NTRK3: variants seen among roughly 807,000 people sequenced by gnomAD.
The protein encoded by NTRK3 is NT-3 growth factor receptor.
A neutral mutation model predicts 91.7 loss-of-function variants in NTRK3; 24 were observed. The observed-to-expected ratio is 0.26, with a 90% CI of 0.19 to 0.37. The LOEUF (loss-of-function observed/expected upper bound fraction) is 0.37. NTRK3 is among the 10% of genes least tolerant of loss of function. NTRK3 has a pLI of 1.00. For synonymous variants in NTRK3, 483 were observed against 404.0 expected (o/e 1.20, Z -2.34); for missense variants, 880 against 1,068.9 (o/e 0.82, Z 2.46).
intron 3 of NTRK3, among the ~76,000 whole-genome samples, chr15:88,216,373 TCTC>T: frequency 6.6e-6 from 1 of 152,242 alleles, no homozygotes; most frequent in South Asian, 2.1e-4. Context: ...CCTAGGTACT[TCTC>T]CTGGCTCAGA....
chr15:88,068,852 G>A (rs568798051), intron 13 of NTRK3, among the ~76,000 whole-genome samples: 2 of 152,272 alleles, frequency 1.3e-5, no homozygotes, highest in Admixed American at 6.5e-5. Flanking sequence ...TCTCGATGGG[G>A]AAGCAAATGG....
At chr15:87,936,461 C>T (rs950299927) in intron 15 of NTRK3, among the ~76,000 whole-genome samples, 2 of 151,734 alleles carry the variant, frequency 1.3e-5, no homozygotes, top group African/African-American at 4.8e-5. Flanking sequence ...AAGAACACAA[C>T]TTCTCGACAG....
chr15:88,217,679 A>G (rs2049901304), intron 3 of NTRK3, among the ~76,000 whole-genome samples: 1 of 152,230 alleles, frequency 6.6e-6, no homozygotes. Context: ...CCAGTTACAC[A>G]GCAATGTGGA....
intron 13 of NTRK3, among the ~76,000 whole-genome samples, chr15:88,052,147 G>A (rs756233923): frequency 6.6e-6 from 1 of 152,204 alleles, no homozygotes; most frequent in Non-Finnish European, 1.5e-5. Flanking sequence ...AAGGGGAAAT[G>A]TATTATAGAA....
Position 88,245,742 on chromosome 15 carries a change from C to T in NTRK3, c.248+10164G>A, listed in dbSNP as rs191735202. ...TGCTCATTGAAATCTTATAATAGTC[C>T]TGCCTTATGTTTATTATTTTCATAT... On this transcript the variant is annotated intron_variant, in intron 3 of 18. Transcript: ENST00000394480. 6.6e-5 allele frequency among the ~76,000 whole-genome samples: 10 copies of T among 152,202 alleles called. 1 individual carries two copies. The East Asian group carries it at 1.9e-3, about 29-fold the overall frequency.
At chr15:88,102,298 A>G (rs999748093) in intron 13 of NTRK3, among the ~76,000 whole-genome samples, 1 of 152,244 alleles carries the variant, frequency 6.6e-6, no homozygotes, top group Non-Finnish European at 1.5e-5. Context: ...TGAATTAAGC[A>G]TATTTTTGGT....
intron 5 of NTRK3, among the ~76,000 whole-genome samples, chr15:88,180,240 C>T (rs756800019): frequency 8.5e-5 from 13 of 152,296 alleles, no homozygotes; most frequent in East Asian, 1.9e-4. Flanking sequence ...TCTCAGAAAT[C>T]CTTATCCTTA....
intron 13 of NTRK3, among the ~76,000 whole-genome samples, chr15:88,108,535 A>C (rs2150950494): frequency 6.6e-6 from 1 of 152,322 alleles, no homozygotes; most frequent in Non-Finnish European, 1.5e-5. Flanking sequence ...AACTGACAGA[A>C]TCATAGAATG....
chr15:88,118,347 G>A (rs2052333132), intron 13 of NTRK3, among the ~76,000 whole-genome samples: 1 of 152,168 alleles, frequency 6.6e-6, no homozygotes, highest in African/African-American at 2.4e-5. Context: ...AGGAGAATAT[G>A]CAGAGAGAGA....
intron 3 of NTRK3, among the ~76,000 whole-genome samples, chr15:88,191,630 G>A (rs549863527): frequency 1.8e-4 from 28 of 152,356 alleles, no homozygotes; most frequent in African/African-American, 6.3e-4. Context: ...GCACACACAC[G>A]CACAATGTGC....
intron 17 of NTRK3, among the ~76,000 whole-genome samples, chr15:87,923,625 C>G (rs1205261375): frequency 6.6e-6 from 1 of 152,172 alleles, no homozygotes; most frequent in Non-Finnish European, 1.5e-5. Flanking sequence ...TCTAGGTAAG[C>G]CTTGTCCATT....
chr15:87,920,971 A>G (rs2067822847), intron 17 of NTRK3, among the ~76,000 whole-genome samples: 1 of 152,204 alleles, frequency 6.6e-6, no homozygotes, highest in Non-Finnish European at 1.5e-5. Flanking sequence ...AGTTTAGTTA[A>G]TAATTTGTGT....
At chr15:88,059,557 C>A (rs547486538) in intron 13 of NTRK3, among the ~76,000 whole-genome samples, 2 of 152,306 alleles carry the variant, frequency 1.3e-5, no homozygotes, top group East Asian at 1.9e-4. Context: ...CAGCTCCAAA[C>A]TCTCTGGCAA....
chr15:88,051,262 C>A (rs1459746880), intron 13 of NTRK3, among the ~76,000 whole-genome samples: 1 of 152,186 alleles, frequency 6.6e-6, no homozygotes, highest in Admixed American at 6.5e-5. Flanking sequence ...ATCCCCACCA[C>A]TCCCTTGAAG....
At chr15:88,148,177 T>G (rs1170042305) in intron 5 of NTRK3, among the ~76,000 whole-genome samples, 1 of 152,216 alleles carries the variant, frequency 6.6e-6, no homozygotes, top group East Asian at 1.9e-4. Context: ...ACAAACACGA[T>G]GTGTGTATAC....
intron 5 of NTRK3, among the ~76,000 whole-genome samples, chr15:88,152,113 C>T (rs1355552780): frequency 6.6e-6 from 1 of 152,138 alleles, no homozygotes; most frequent in African/African-American, 2.4e-5. Flanking sequence ...CCAGCCTGGC[C>T]AACATGGTGA....
chr15:87,993,871 G>A (rs1217147160), intron 14 of NTRK3, among the ~76,000 whole-genome samples: 1 of 152,172 alleles, frequency 6.6e-6, no homozygotes, highest in East Asian at 1.9e-4. Flanking sequence ...CTGCAAAGAG[G>A]AGCTAAAAAC....
At chr15:88,102,441 A>C (rs1425070500) in intron 13 of NTRK3, among the ~76,000 whole-genome samples, 1 of 152,226 alleles carries the variant, frequency 6.6e-6, no homozygotes, top group Non-Finnish European at 1.5e-5. Context: ...TGTTCAGTAG[A>C]CACAATAGGA....
At chr15:88,247,108 T>G (rs2052909964) in intron 3 of NTRK3, among the ~76,000 whole-genome samples, 1 of 152,226 alleles carries the variant, frequency 6.6e-6, no homozygotes, top group Non-Finnish European at 1.5e-5. Context: ...CTTGTGCCTG[T>G]GCCAAGACTC....
Sources: allele counts gnomAD v4.1 joint callset (sites outside exome capture counted in the v4.1 genomes callset), GRCh38; gene constraint gnomAD v4.1.1; transcripts MANE v1.5; gene names NCBI Gene and HGNC (gene_info 2026-07-23, HGNC 2026-07-21).